Variants in RNF217 observed in about 807,000 individuals in gnomAD.
RNF217 encodes the protein E3 ubiquitin-protein ligase RNF217.
A neutral mutation model predicts 57.8 loss-of-function variants in RNF217; 31 were observed. That is an observed-to-expected ratio of 0.54 (90% CI 0.40 to 0.72). The LOEUF is 0.72. Ranked by LOEUF, RNF217 falls within the 30% of genes least tolerant of loss-of-function variation. RNF217 has a pLI of 0.00. For missense variants in RNF217, 696 were observed against 708.3 expected, an observed-to-expected ratio of 0.98 and a Z score of 0.20; for synonymous variants, 313 against 294.0, an observed-to-expected ratio of 1.06 and a Z score of -0.66.
chr6:124,969,266 A>G (rs1202213869), intron 1 of RNF217, among the ~76,000 whole-genome samples: 1 of 152,198 alleles, frequency 6.6e-6, no homozygotes, highest in African/African-American at 2.4e-5. Context: ...AGATATACAT[A>G]TTTTGTTCAT....
In RNF217 at chr6:125,082,925, T is replaced by A; in HGVS notation, c.1617T>A (p.Gly539=). Residue 539 remains glycine (G), a synonymous_variant, in exon 6 of 6, where the codon GGT becomes GGA. Transcript: ENST00000521654. ...CKKQRKRSRT[G]MHW ...AACAGAGAAAACGATCACGGACAGG[T>A]ATGCACTGGTAACATGCAGATGATT... 1 of 1,600,752 alleles carries A rather than the reference T, an allele frequency of 6.2e-7. No homozygotes were observed. The highest frequency in any genetic ancestry group is 8.5e-7 in the Non-Finnish European group (1 of 1,175,930).
intron 3 of RNF217, among the ~76,000 whole-genome samples, chr6:125,061,042 C>T (rs1787712640): frequency 6.6e-6 from 1 of 152,104 alleles, no homozygotes; most frequent in Admixed American, 6.6e-5. Flanking sequence ...GTAACACTTG[C>T]TTAAATATTC....
intron 2 of RNF217, among the ~76,000 whole-genome samples, chr6:125,055,398 G>A (rs572288371): frequency 7.2e-5 from 11 of 152,250 alleles, no homozygotes; most frequent in African/African-American, 1.4e-4. Flanking sequence ...GACACAAAGC[G>A]TCAGATTCTT....
At chr6:125,074,901 C>T (rs969748216) in intron 3 of RNF217, among the ~76,000 whole-genome samples, 4 of 152,166 alleles carry the variant, frequency 2.6e-5, no homozygotes, top group African/African-American at 9.7e-5. Flanking sequence ...TTAAAACATT[C>T]ACTGACACTC....
chr6:124,973,721 C>G (rs1033421565), intron 1 of RNF217, among the ~76,000 whole-genome samples: 2 of 152,176 alleles, frequency 1.3e-5, no homozygotes, highest in Non-Finnish European at 2.9e-5. Context: ...AGTCTTTATG[C>G]TAGCATCCCA....
In RNF217 at chr6:125,082,917, C is replaced by A; in HGVS notation, c.1609C>A (p.Arg537=). Residue 537 remains arginine (R), a synonymous_variant, in exon 6 of 6, where the codon CGG becomes AGG. Coordinates refer to ENST00000521654, the MANE Select transcript of RNF217 (RefSeq NM_001286398.3). ...TTGTAAAAAACAGAGAAAACGATCA[C>A]GGACAGGTATGCACTGGTAACATGC... ...CLCKKQRKRS[R]TGMHW The A allele has an allele frequency of 1.2e-6, 2 of 1,604,778 alleles. No homozygotes were observed. The highest frequency in any genetic ancestry group is 1.7e-6 in the Non-Finnish European group (2 of 1,177,160).
In RNF217 at chr6:125,009,248, C is replaced by T. The variant is rs771233796; in HGVS notation, c.883-35963C>T. On this transcript the variant is annotated intron_variant, in intron 1 of 5. Transcript: ENST00000521654. ...GTTGTATAATTAGTTCTCTTCTCAT[C>T]CACACCCATAAACCAGTTCAAGAAA... The T allele has an allele frequency of 3.1e-6, 5 of 1,610,562 alleles. No homozygotes were observed. The East Asian group carries it at 1.1e-4, about 36-fold the overall frequency.
At position 125,085,535 on chromosome 6, in the gene RNF217, A is replaced by AGT. The variant is rs2114667307; in HGVS notation, c.*2599_*2600dup. ...CCAACTTTGAAGGTAAAACAGTAGT[A>AGT]GTAACTTTTGGGAGAAATTCTAAAA... On this transcript the variant is annotated 3_prime_UTR_variant, in exon 6 of 6. Coordinates refer to ENST00000521654, the MANE Select transcript of RNF217 (RefSeq NM_001286398.3). 6.6e-6 allele frequency: 1 copy of AGT among 152,078 alleles called. No homozygotes were observed. Among genetic ancestry groups the AGT allele is most frequent in the African/African-American group, 2.4e-5 (1 of 41,572 alleles). The allele number at this position is 152,078 out of a possible 1,614,324, so 9.4% of individuals were successfully genotyped here. A position where few individuals can be genotyped will look rare whatever the true frequency, so the allele number is the denominator to read the frequency against.
intron 1 of RNF217, among the ~76,000 whole-genome samples, chr6:125,014,054 C>T (rs893927295): frequency 1.9e-4 from 29 of 152,130 alleles, no homozygotes; most frequent in African/African-American, 6.8e-4. Flanking sequence ...GGAACTGACT[C>T]TGGATTTCAT....
At chr6:125,031,852 A>C (rs1161935546) in intron 1 of RNF217, among the ~76,000 whole-genome samples, 1 of 152,142 alleles carries the variant, frequency 6.6e-6, no homozygotes, top group Non-Finnish European at 1.5e-5. Flanking sequence ...CTCTACTGGT[A>C]CCAATTTACT....
intron 3 of RNF217, among the ~76,000 whole-genome samples, chr6:125,072,854 C>G (rs112480218): frequency 4.6e-5 from 7 of 151,760 alleles, no homozygotes; most frequent in African/African-American, 1.5e-4. Flanking sequence ...AATAAAGAAA[C>G]ACATGGATTC....
intron 1 of RNF217, among the ~76,000 whole-genome samples, chr6:124,992,685 G>A (rs2115047305): frequency 6.6e-6 from 1 of 152,158 alleles, no homozygotes; most frequent in South Asian, 2.1e-4. Flanking sequence ...AAAGTACATT[G>A]AATTTTTCTG....
In RNF217 at chr6:125,087,071, G is replaced by A. The variant is rs571266195; in HGVS notation, c.*4134G>A. The A allele has an allele frequency of 6.6e-6, 1 of 152,148 alleles. No individual in the cohort carries two copies. The highest frequency in any genetic ancestry group is 2.4e-5 in the African/African-American group (1 of 41,520). 9.4% of individuals were successfully genotyped at this position (152,148 alleles called of 1,614,324 possible). A position where few individuals can be genotyped will look rare whatever the true frequency, so the allele number is the denominator to read the frequency against. On this transcript the variant is annotated 3_prime_UTR_variant, in exon 6 of 6. Transcript: ENST00000521654. ...TGAAGGAGAAGAGGAGAGACAGGAG[G>A]GGCCTAAAAACTCACTCTGGTATGT... is the stretch of plus-strand genomic sequence containing the variant.
At chr6:125,001,961 G>A (rs1487669860) in intron 1 of RNF217, among the ~76,000 whole-genome samples, 1 of 152,210 alleles carries the variant, frequency 6.6e-6, no homozygotes. Context: ...TAGGCAGGGT[G>A]TACTAAAATA....
At chr6:125,000,435 G>T (rs1433736118) in intron 1 of RNF217, among the ~76,000 whole-genome samples, 1 of 151,410 alleles carries the variant, frequency 6.6e-6, no homozygotes, top group Non-Finnish European at 1.5e-5. Flanking sequence ...AATGTAAGGG[G>T]GCATTATAGA....
In RNF217 at chr6:124,962,741, C is replaced by A. The variant is rs1280563249; in HGVS notation, c.197C>A (p.Ala66Asp). Residue 66 changes from alanine (A) to aspartate (D), a missense_variant, in exon 1 of 6, where the codon GCC (alanine) becomes GAC (aspartate). Transcript: ENST00000521654. This position sits in a 1 kb window ranked among gnomAD's most constrained non-coding sequence, Gnocchi z 4.6. ...GSDWGCADTS[A>D]PEPARSLGPP... ...GACTGGGGCTGCGCGGACACCAGCG[C>A]CCCAGAGCCCGCGAGGAGCCTGGGG... 6.3e-7 allele frequency: 1 copy of A among 1,580,324 alleles called. No homozygotes were observed.
intron 1 of RNF217, among the ~76,000 whole-genome samples, chr6:125,013,599 G>C (rs1329682914): frequency 6.6e-6 from 1 of 151,308 alleles, no homozygotes; most frequent in South Asian, 2.1e-4. Flanking sequence ...TTTTAGTAAA[G>C]ACTTATAGAG....
intron 3 of RNF217, among the ~76,000 whole-genome samples, chr6:125,070,083 T>G (rs1788080885): frequency 6.6e-6 from 1 of 152,168 alleles, no homozygotes; most frequent in African/African-American, 2.4e-5. Context: ...TAGCTCCCAC[T>G]TATAATTGAG....
chr6:125,075,257 C>T (rs1033522963), intron 3 of RNF217, among the ~76,000 whole-genome samples: 1 of 152,030 alleles, frequency 6.6e-6, no homozygotes, highest in African/African-American at 2.4e-5. Flanking sequence ...ACACCCCTGC[C>T]GTAGTGAAGT....
Sources: gnomAD v4.1 joint callset for allele counts (sites outside exome capture counted in the v4.1 genomes callset) on GRCh38, gnomAD v4.1.1 for gene constraint, Gnocchi (gnomAD v3.1) non-coding constraint, MANE v1.5 for transcripts, NCBI Gene and HGNC (gene_info 2026-07-23, HGNC 2026-07-21) for gene names.